PREX2: variants seen among roughly 807,000 people sequenced by gnomAD.
PREX2 encodes the protein phosphatidylinositol-3,4,5-trisphosphate dependent Rac exchange factor 2, also known as phosphatidylinositol 3,4,5-trisphosphate-dependent Rac exchanger 2 protein.
PREX2 carries 107 observed loss-of-function variants against 203.2 expected under a neutral mutation model. The observed-to-expected ratio is 0.53, with a 90% CI of 0.45 to 0.62. The LOEUF (loss-of-function observed/expected upper bound fraction) is 0.62, where lower values mean the gene tolerates loss of function less well. Ranked by LOEUF, PREX2 falls within the 20% of genes least tolerant of loss-of-function variation. The pLI is 0.00. For synonymous variants in PREX2, 672 were observed against 663.6 expected (o/e 1.01, Z -0.19); for missense variants, 1,777 against 1,955.9 (o/e 0.91, Z 1.72).
chr8:67,995,659 A>G (rs1806744181), intron 1 of PREX2, among the ~76,000 whole-genome samples: 1 of 152,238 alleles, frequency 6.6e-6, no homozygotes, highest in Non-Finnish European at 1.5e-5. Flanking sequence ...GATGGTATTT[A>G]TGGGAAGCAT....
chr8:68,226,322 A>C (rs770510439), intron 39 of PREX2, among the ~76,000 whole-genome samples: 1 of 152,296 alleles, frequency 6.6e-6, no homozygotes, highest in Non-Finnish European at 1.5e-5. Context: ...AAGAAGGCAT[A>C]ATTACAAGGA....
chr8:67,990,709 C>A (rs1238681927), intron 1 of PREX2, among the ~76,000 whole-genome samples: 14 of 151,936 alleles, frequency 9.2e-5, no homozygotes, highest in African/African-American at 2.9e-4. Context: ...GATAGGGTTT[C>A]ACCAAATTAG....
At chr8:68,175,861 T>C (rs996350575) in intron 35 of PREX2, among the ~76,000 whole-genome samples, 2 of 151,918 alleles carry the variant, frequency 1.3e-5, no homozygotes, top group Non-Finnish European at 2.9e-5. Flanking sequence ...TAATGATAAA[T>C]ATATATCTTT....
chr8:68,200,290 AATATATCCTACTCATG>A (rs1231552285), intron 37 of PREX2, among the ~76,000 whole-genome samples: 1 of 152,140 alleles, frequency 6.6e-6, no homozygotes, highest in Non-Finnish European at 1.5e-5. Context: ...AGAAAGACAA[AATATATCCTACTCATG>A]ATAAATTGGT....
At chr8:68,056,163 A>G (rs1054527910) in intron 10 of PREX2, among the ~76,000 whole-genome samples, 189 bp downstream of exon 10, 7 of 152,106 alleles carry the variant, frequency 4.6e-5, no homozygotes, top group African/African-American at 1.7e-4. Flanking sequence ...TGACCAGGAA[A>G]CTTAAGGCAT....
At position 67,979,725 on chromosome 8, in the gene PREX2, A is replaced by G. The variant is rs182416599; in HGVS notation, c.141+27190A>G. On this transcript the variant is annotated intron_variant, in intron 1 of 39. Coordinates refer to ENST00000288368, the MANE Select transcript of PREX2 (RefSeq NM_024870.4). Reference sequence around the variant, plus strand: ...ATATGTATGTTTACAAACAAATGCCATACACTTTCTATCTTGATTTATCCT... The same window carrying G: ...ATATGTATGTTTACAAACAAATGCCGTACACTTTCTATCTTGATTTATCCT... Among the ~76,000 whole-genome samples, 32 of 152,360 alleles carry G rather than the reference A, an allele frequency of 2.1e-4. 1 individual carries two copies. Among genetic ancestry groups the G allele is most frequent in the African/African-American group, 7.2e-4 (30 of 41,586 alleles).
chr8:68,120,316 C>T (rs1353200497), intron 29 of PREX2, 30 bp downstream of exon 29: 1 of 1,497,486 alleles, frequency 6.7e-7, no homozygotes, highest in Non-Finnish European at 9.3e-7. Context: ...CTAGTAGAAG[C>T]AATTGAGAAA....
chr8:68,055,275 C>T (rs758280415), intron 9 of PREX2, among the ~76,000 whole-genome samples: 15 of 152,250 alleles, frequency 9.9e-5, no homozygotes, highest in South Asian at 2.1e-4. Context: ...CAGCTCATCT[C>T]CTATCTTTTC....
At chr8:68,113,630 C>A (rs7016804) in intron 25 of PREX2, among the ~76,000 whole-genome samples, 7,366 of 152,266 alleles carry the variant, frequency 0.048, 533 homozygotes, top group African/African-American at 0.16. Context: ...GTGTCTAAAA[C>A]CTATAAAATG....
At position 68,053,150 on chromosome 8, in the gene PREX2, A is replaced by T; in HGVS notation, c.997A>T (p.Thr333Ser). 6.2e-7 allele frequency: 1 copy of T among 1,613,690 alleles called. No individual in the cohort carries two copies. Among genetic ancestry groups the T allele is most frequent in the Non-Finnish European group, 8.5e-7 (1 of 1,179,700 alleles). The change falls in exon 9 of 40, where the codon ACA becomes TCA. Residue 333 changes from threonine (T) to serine (S), a missense_variant. Thr to Ser is a moderately conservative substitution (Grantham distance 58). Coordinates refer to ENST00000288368, the MANE Select transcript of PREX2 (RefSeq NM_024870.4). Reference protein sequence around the residue: ...IVVNGWKIHNTAKNKWFVCMA... With the variant: ...IVVNGWKIHNSAKNKWFVCMA... ...TGTTAATGGATGGAAGATACATAAC[A>T]CAGCAAAAAATAAATGGTTTGTTTG...
Position 68,140,864 on chromosome 8 carries a change from G to A in PREX2, c.4087+2347G>A, listed in dbSNP as rs186201014. ...TCTCAAAAGCTATATTTATAGCATCGCCTATAATCTCACTTTTGCATGAAA... is the reference window on the plus strand; with the variant it reads ...TCTCAAAAGCTATATTTATAGCATCACCTATAATCTCACTTTTGCATGAAA... On this transcript the variant is annotated intron_variant, in intron 33 of 39. Transcript: ENST00000288368. Among the ~76,000 whole-genome samples, 13 of 152,064 alleles carry A rather than the reference G, an allele frequency of 8.5e-5. No individual in the cohort carries two copies. The East Asian group carries it at 9.7e-4, about 11-fold the overall frequency.
chr8:68,002,966 A>T (rs1294742405), intron 1 of PREX2, among the ~76,000 whole-genome samples: 1 of 152,158 alleles, frequency 6.6e-6, no homozygotes, highest in Non-Finnish European at 1.5e-5. Flanking sequence ...TGTACAGGGG[A>T]CAGAAAGCTC....
Position 68,146,308 on chromosome 8 carries a change from A to C in PREX2, c.4187A>C (p.Lys1396Thr). The change falls in exon 34 of 40, where the codon AAA becomes ACA. Residue 1396 changes from lysine (K) to threonine (T), a missense_variant. Physicochemically the swap from Lys to Thr is moderately conservative, Grantham distance 78. Transcript: ENST00000288368. The part of the protein sequence containing the change: ...YHFEQLPQRL[K>T]NGGGFKIHPV... ...TTTGAACAACTTCCTCAACGGCTGAAAAATGGAGGAGGGTTTAAAATTCAT... is the reference window on the plus strand; with the variant it reads ...TTTGAACAACTTCCTCAACGGCTGACAAATGGAGGAGGGTTTAAAATTCAT... 6.2e-7 allele frequency: 1 copy of C among 1,613,024 alleles called. No individual in the cohort carries two copies. Among genetic ancestry groups the C allele is most frequent in the Non-Finnish European group, 8.5e-7 (1 of 1,179,470 alleles).
At chr8:68,189,374 T>C (rs1475086042) in intron 35 of PREX2, among the ~76,000 whole-genome samples, 1 of 152,212 alleles carries the variant, frequency 6.6e-6, no homozygotes, top group African/African-American at 2.4e-5. Flanking sequence ...TCTACCTCTC[T>C]GGCCTAACTT....
rs1021876456 is a variant in PREX2, at chr8:68,134,287, C to G, written c.3984+11C>G. On this transcript the variant is annotated intron_variant, in intron 32 of 39. Coordinates refer to ENST00000288368, the MANE Select transcript of PREX2 (RefSeq NM_024870.4). The stretch of plus-strand genomic sequence containing the variant: ...CTGTCACCAAACTTGGTAAGGAAAT[C>G]ACATGACTCCCACTGTCTGTGTCAA... 3.8e-6 allele frequency: 6 copies of G among 1,594,550 alleles called. No homozygotes were observed. The African/African-American group carries it at 8.0e-5, about 21-fold the overall frequency.
Position 68,231,359 on chromosome 8 carries a change from C to G in PREX2, c.4802C>G (p.Pro1601Arg). Residue 1601 changes from proline to arginine, a missense_variant, in exon 40 of 40, where the codon CCC becomes CGC. Transcript: ENST00000288368. Reference sequence around the variant, plus strand: ...CTGTACAAGCTGTGCGAGCCACCTCCCCCAGCTGGAGAAGAATGAAAAGAA... The same window carrying G: ...CTGTACAAGCTGTGCGAGCCACCTCGCCCAGCTGGAGAAGAATGAAAAGAA... ...PRLYKLCEPP[P>R]PAGEE The G allele has an allele frequency of 6.2e-7, 1 of 1,600,258 alleles. No homozygotes were observed. Among genetic ancestry groups the G allele is most frequent in the Non-Finnish European group, 8.5e-7 (1 of 1,174,246 alleles).
intron 18 of PREX2, among the ~76,000 whole-genome samples, 173 bp from the exon 19 acceptor site, chr8:68,087,551 G>C (rs1429605546): frequency 6.6e-6 from 1 of 152,164 alleles, no homozygotes; most frequent in Non-Finnish European, 1.5e-5. Flanking sequence ...TAGAAACACT[G>C]TATTGCATGA....
At chr8:68,100,004 A>T (rs1279886637) in intron 23 of PREX2, 161 bp downstream of exon 23, 1 of 766,228 alleles carries the variant, frequency 1.3e-6, no homozygotes, top group African/African-American at 1.7e-5. Context: ...ATGGCTTAAC[A>T]TCCATTACCT....
At chr8:68,011,798 G>A (rs1484831726) in intron 1 of PREX2, among the ~76,000 whole-genome samples, 1 of 152,042 alleles carries the variant, frequency 6.6e-6, no homozygotes, top group Non-Finnish European at 1.5e-5. Flanking sequence ...TAATTTTGTA[G>A]GCTGAGCTGT....
Sources: allele counts gnomAD v4.1 joint callset (sites outside exome capture counted in the v4.1 genomes callset), GRCh38; gene constraint gnomAD v4.1.1; transcripts MANE v1.5; gene names NCBI Gene and HGNC (gene_info 2026-07-23, HGNC 2026-07-21).